Variants in EXOC6B observed in about 807,000 individuals in gnomAD.
The protein encoded by EXOC6B is SEC15 homolog B.
In EXOC6B, 54 loss-of-function variants were observed where a neutral mutation model predicts 113.5. That is an observed-to-expected ratio of 0.48 (90% CI 0.38 to 0.60). The LOEUF (loss-of-function observed/expected upper bound fraction) is 0.60. Among genes scored for constraint, EXOC6B ranks in the 20% least tolerant of loss-of-function variants. The pLI, the probability that EXOC6B is intolerant of heterozygous loss-of-function variation, is 0.00. For missense variants in EXOC6B, 797 were observed against 977.5 expected (o/e 0.82, Z 2.46); for synonymous variants, 357 against 339.0 (o/e 1.05, Z -0.58).
chr2:72,568,220 G>T (rs138283045), intron 7 of EXOC6B, among the ~76,000 whole-genome samples: 37 of 151,998 alleles, frequency 2.4e-4, no homozygotes, highest in African/African-American at 8.7e-4. Context: ...GGATATTAAG[G>T]GAGACTAAAC....
intron 1 of EXOC6B, among the ~76,000 whole-genome samples, chr2:72,801,724 A>G (rs550216912): frequency 6.6e-6 from 1 of 152,214 alleles, no homozygotes; most frequent in South Asian, 2.1e-4. Context: ...AGAACTAAGG[A>G]CCCTCTCTCC....
At chr2:72,279,033 C>T (rs1164164164) in intron 20 of EXOC6B, among the ~76,000 whole-genome samples, 1 of 152,156 alleles carries the variant, frequency 6.6e-6, no homozygotes, top group Non-Finnish European at 1.5e-5. Flanking sequence ...ATTCAGGACA[C>T]TACTAAGATA....
chr2:72,190,087 G>T (rs1324345514), intron 20 of EXOC6B, among the ~76,000 whole-genome samples: 1 of 149,320 alleles, frequency 6.7e-6, no homozygotes. Flanking sequence ...CTGGAGTGCA[G>T]TGGTGCAATC....
At chr2:72,590,368 A>C (rs913837374) in intron 6 of EXOC6B, among the ~76,000 whole-genome samples, 1 of 152,034 alleles carries the variant, frequency 6.6e-6, no homozygotes, top group Non-Finnish European at 1.5e-5. Context: ...TCACACTCCA[A>C]GAGTATTTTA....
At chr2:72,576,541 C>G (rs184257730) in intron 6 of EXOC6B, among the ~76,000 whole-genome samples, 17 of 152,160 alleles carry the variant, frequency 1.1e-4, no homozygotes, top group Admixed American at 9.2e-4. Context: ...AGTGGTAAAT[C>G]AGAAGCTCAA....
intron 20 of EXOC6B, among the ~76,000 whole-genome samples, chr2:72,188,037 G>A (rs1678560211): frequency 6.6e-6 from 1 of 152,138 alleles, no homozygotes; most frequent in African/African-American, 2.4e-5. Flanking sequence ...CAGTTTGGGT[G>A]GCTGCAGCTG....
intron 11 of EXOC6B, among the ~76,000 whole-genome samples, chr2:72,506,952 A>G (rs1228047761): frequency 1.3e-5 from 2 of 152,072 alleles, no homozygotes; most frequent in Non-Finnish European, 2.9e-5. Flanking sequence ...ACTCTCCTTT[A>G]TACTAGGCAT....
At chr2:72,398,727 TACACAC>T (rs60055732) in intron 18 of EXOC6B, among the ~76,000 whole-genome samples, 14,090 of 138,900 alleles carry the variant, frequency 0.1, 940 homozygotes, top group African/African-American at 0.19. Flanking sequence ...TCTCTCTGTC[TACACAC>T]ACACACACAC....
intron 19 of EXOC6B, among the ~76,000 whole-genome samples, chr2:72,344,845 AG>A (rs1486550797): frequency 2.0e-5 from 3 of 152,246 alleles, no homozygotes; most frequent in Admixed American, 6.5e-5. Flanking sequence ...AAAAAGCACA[AG>A]CCCTTTAAAT....
chr2:72,424,936 A>G (rs1695116250), intron 18 of EXOC6B, among the ~76,000 whole-genome samples: 1 of 152,116 alleles, frequency 6.6e-6, no homozygotes, highest in Admixed American at 6.5e-5. Context: ...TTCATCACCC[A>G]GGTATTAAGC....
chr2:72,614,110 A>C (rs1267007239), intron 6 of EXOC6B, among the ~76,000 whole-genome samples: 1 of 152,126 alleles, frequency 6.6e-6, no homozygotes, highest in African/African-American at 2.4e-5. Flanking sequence ...TTATGGAAAA[A>C]CGGTTTGTCA....
intron 8 of EXOC6B, among the ~76,000 whole-genome samples, chr2:72,518,465 T>G (rs926430094): frequency 2.7e-5 from 4 of 147,774 alleles, no homozygotes; most frequent in African/African-American, 1.0e-4. Flanking sequence ...AACTACAGAA[T>G]CCTATGGATT....
chr2:72,663,694 G>A (rs938199985), intron 6 of EXOC6B, among the ~76,000 whole-genome samples: 2 of 152,130 alleles, frequency 1.3e-5, no homozygotes, highest in Non-Finnish European at 2.9e-5. Flanking sequence ...TCAGGGACTG[G>A]GAAAGGGAGG....
At chr2:72,205,010 C>G (rs1339754340) in intron 20 of EXOC6B, among the ~76,000 whole-genome samples, 1 of 152,148 alleles carries the variant, frequency 6.6e-6, no homozygotes, top group Non-Finnish European at 1.5e-5. Context: ...TCCAGACAGT[C>G]TGCAAGTCTA....
chr2:72,594,618 T>C (rs1295051945), intron 6 of EXOC6B, among the ~76,000 whole-genome samples: 1 of 152,154 alleles, frequency 6.6e-6, no homozygotes, highest in Non-Finnish European at 1.5e-5. Flanking sequence ...TCTGCTGTCT[T>C]CCTATTACTG....
chr2:72,599,976 T>C (rs1670309109), intron 6 of EXOC6B, among the ~76,000 whole-genome samples: 1 of 152,098 alleles, frequency 6.6e-6, no homozygotes, highest in East Asian at 1.9e-4. Flanking sequence ...TCCCAAATGA[T>C]CTAAAGATTC....
chr2:72,507,442 GT>G (rs1421595381), intron 11 of EXOC6B, among the ~76,000 whole-genome samples: 2 of 152,006 alleles, frequency 1.3e-5, no homozygotes, highest in Non-Finnish European at 2.9e-5. Context: ...TAATTGAATA[GT>G]TTTTAATTGT....
At chr2:72,436,734 T>C (rs1695896862) in intron 18 of EXOC6B, among the ~76,000 whole-genome samples, 2 of 152,166 alleles carry the variant, frequency 1.3e-5, no homozygotes, top group Non-Finnish European at 2.9e-5. Flanking sequence ...TCTCGTGCTG[T>C]GTTTTTCAGC....
intron 12 of EXOC6B, 41 bp from the exon 13 acceptor site, chr2:72,498,592 G>A (rs1400049701): frequency 1.5e-6 from 2 of 1,322,654 alleles, no homozygotes; most frequent in African/African-American, 1.5e-5. Context: ...TCTAAGGAAG[G>A]AGTTTTTTTT....
Sources: allele counts gnomAD v4.1 joint callset (sites outside exome capture counted in the v4.1 genomes callset), GRCh38; gene constraint gnomAD v4.1.1; transcripts MANE v1.5; gene names NCBI Gene and HGNC (gene_info 2026-07-23, HGNC 2026-07-21).